The following ANKRD33B variants were observed in gnomAD, a reference collection of about 807,000 sequenced individuals.
ANKRD33B encodes the protein ankyrin repeat domain 33B, also known as ankyrin repeat domain-containing protein 33B.
ANKRD33B carries 6 observed loss-of-function variants against 21.5 expected under a neutral mutation model. That is an observed-to-expected ratio of 0.28 (90% CI 0.15 to 0.55). The LOEUF (loss-of-function observed/expected upper bound fraction) is 0.55. Among genes scored for constraint, ANKRD33B ranks in the 20% least tolerant of loss-of-function variants. The pLI is 0.94. For missense variants in ANKRD33B, 698 were observed against 747.2 expected (o/e 0.93, Z 0.77); for synonymous variants, 347 against 342.4 (o/e 1.01, Z -0.15).
At chr5:10,633,983 G>T (rs544973211) in intron 2 of ANKRD33B, among the ~76,000 whole-genome samples, 4 of 152,314 alleles carry the variant, frequency 2.6e-5, no homozygotes, top group African/African-American at 7.2e-5. Flanking sequence ...GGTTAAGGAG[G>T]GGGGAACACG....
chr5:10,603,895 A>G (rs1444275410), intron 1 of ANKRD33B, among the ~76,000 whole-genome samples: 1 of 149,910 alleles, frequency 6.7e-6, no homozygotes, highest in Admixed American at 6.6e-5. Flanking sequence ...CAAAAGGAGA[A>G]CTTTTTTTTT....
chr5:10,601,441 C>T (rs919084164), intron 1 of ANKRD33B, among the ~76,000 whole-genome samples: 1 of 152,222 alleles, frequency 6.6e-6, no homozygotes, highest in African/African-American at 2.4e-5. Context: ...CATTGCTTGG[C>T]TAACGAGGCT....
At chr5:10,624,031 G>A (rs1377640543) in intron 2 of ANKRD33B, among the ~76,000 whole-genome samples, 2 of 152,010 alleles carry the variant, frequency 1.3e-5, no homozygotes, top group Non-Finnish European at 2.9e-5. Context: ...ATGATTTGAT[G>A]CCTAGATGGG....
Position 10,654,843 on chromosome 5 carries a change from C to T in ANKRD33B, c.*4730C>T, listed in dbSNP as rs1257725580. 6.6e-6 allele frequency: 1 copy of T among 152,546 alleles called. No homozygotes were observed. The highest frequency in any genetic ancestry group is 2.4e-5 in the African/African-American group (1 of 41,440). The allele number at this position is 152,546 out of a possible 1,614,324, so 9.4% of individuals were successfully genotyped here. ...TTGCTTCTGTGAATAAAGTGTTCTACAGTCAGCCCAGCACTAAACTCACCA... is the reference window on the plus strand; with the variant it reads ...TTGCTTCTGTGAATAAAGTGTTCTATAGTCAGCCCAGCACTAAACTCACCA... On this transcript the variant is annotated 3_prime_UTR_variant, in exon 4 of 4. Coordinates refer to ENST00000296657, the MANE Select transcript of ANKRD33B (RefSeq NM_001164440.2).
intron 2 of ANKRD33B, among the ~76,000 whole-genome samples, chr5:10,623,375 C>A (rs143974511): frequency 6.6e-6 from 1 of 152,252 alleles, no homozygotes; most frequent in East Asian, 1.9e-4. Flanking sequence ...TGGTGTCCCT[C>A]GATGGTTCTA....
At position 10,654,614 on chromosome 5, in the gene ANKRD33B, G is replaced by A. The variant is rs1002477009; in HGVS notation, c.*4501G>A. 2 of 152,404 alleles carry A rather than the reference G, an allele frequency of 1.3e-5. No homozygotes were observed. The highest frequency in any genetic ancestry group is 2.9e-5 in the Non-Finnish European group (2 of 68,108). 9.4% of individuals were successfully genotyped at this position (152,404 alleles called of 1,614,324 possible). Reference sequence around the variant, plus strand: ...GGACTCTGGTGGCAGAAATGGCTTTGGGGTAGGTGTGAAGTTGCTTCAGTC... The same window carrying A: ...GGACTCTGGTGGCAGAAATGGCTTTAGGGTAGGTGTGAAGTTGCTTCAGTC... On this transcript the variant is annotated 3_prime_UTR_variant, in exon 4 of 4. Coordinates refer to ENST00000296657, the MANE Select transcript of ANKRD33B (RefSeq NM_001164440.2).
Position 10,564,671 on chromosome 5 carries a change from C to T in ANKRD33B, c.204C>T (p.Gly68=). The T allele has an allele frequency of 6.5e-7, 1 of 1,534,822 alleles. No individual in the cohort carries two copies. Among genetic ancestry groups the T allele is most frequent in the South Asian group, 1.2e-5 (1 of 83,984 alleles). Residue 68 remains glycine (G), a synonymous_variant, in exon 1 of 4, where the codon GGC becomes GGT. Transcript: ENST00000296657. ...FYPFEDEEEH[G]VESAESVPEG... is the part of the protein sequence containing the mutation. ...CTTTCGAGGACGAGGAGGAGCACGG[C>T]GTCGAGAGCGCGGAGAGCGTCCCGG...
intron 3 of ANKRD33B, among the ~76,000 whole-genome samples, chr5:10,641,579 C>T (rs1313424210): frequency 2.6e-5 from 4 of 152,068 alleles, no homozygotes; most frequent in South Asian, 2.1e-4. Flanking sequence ...TTGCCCATGA[C>T]GGGACAGTCT....
At chr5:10,586,385 G>A (rs865787030) in intron 1 of ANKRD33B, among the ~76,000 whole-genome samples, 84 of 152,242 alleles carry the variant, frequency 5.5e-4, no homozygotes, top group African/African-American at 1.9e-3. Flanking sequence ...GAAAGAAAAG[G>A]CTGGTGTTGG....
intron 2 of ANKRD33B, among the ~76,000 whole-genome samples, chr5:10,626,048 C>G (rs575779979): frequency 2.6e-5 from 4 of 151,878 alleles, no homozygotes; most frequent in Admixed American, 6.6e-5. Context: ...GCCTAGAACC[C>G]GAGTGACACA....
chr5:10,608,082 C>T (rs955241256), intron 1 of ANKRD33B, among the ~76,000 whole-genome samples: 2 of 151,868 alleles, frequency 1.3e-5, no homozygotes, highest in Admixed American at 1.3e-4. Context: ...AGTACGGGGG[C>T]TCACGCCTAT....
intron 3 of ANKRD33B, among the ~76,000 whole-genome samples, chr5:10,640,205 T>C (rs997096812): frequency 6.6e-6 from 1 of 152,136 alleles, no homozygotes; most frequent in Non-Finnish European, 1.5e-5. Context: ...TGGTATTGCA[T>C]GGTGATGTGT....
At chr5:10,589,747 C>G (rs1230938251) in intron 1 of ANKRD33B, among the ~76,000 whole-genome samples, 1 of 152,056 alleles carries the variant, frequency 6.6e-6, no homozygotes, top group Non-Finnish European at 1.5e-5. Flanking sequence ...TTTAAAAAAT[C>G]TTGTTTGGGG....
intron 2 of ANKRD33B, among the ~76,000 whole-genome samples, chr5:10,637,423 T>C (rs1356552144): frequency 4.1e-5 from 2 of 48,346 alleles, no homozygotes; most frequent in East Asian, 1.4e-3. Flanking sequence ...CGTAGGTAGT[T>C]AGACACACAC....
chr5:10,578,109 T>C (rs1735365129), intron 1 of ANKRD33B, among the ~76,000 whole-genome samples: 1 of 152,218 alleles, frequency 6.6e-6, no homozygotes, highest in Admixed American at 6.5e-5. Flanking sequence ...TTTCACACAC[T>C]GTGATGGGTG....
chr5:10,629,707 A>C (rs1377529691), intron 2 of ANKRD33B, among the ~76,000 whole-genome samples: 1 of 152,124 alleles, frequency 6.6e-6, no homozygotes, highest in East Asian at 1.9e-4. Context: ...TGAGATAAGG[A>C]GGGGGCTTAG....
At chr5:10,577,969 C>G (rs1214646872) in intron 1 of ANKRD33B, among the ~76,000 whole-genome samples, 1 of 152,198 alleles carries the variant, frequency 6.6e-6, no homozygotes, top group Non-Finnish European at 1.5e-5. Context: ...GCCCTAGACA[C>G]TTAAGAGTCG....
In ANKRD33B at chr5:10,649,925, G is replaced by A. The variant is rs1335245366; in HGVS notation, c.1297G>A (p.Ala433Thr). ...CCGGGTCCGAGTCAGCAAGGCGCCC[G>A]CGCCCACCTTCCAGCCCGAGCGGCC... ...VPRVRVSKAPAPTFQPERPAR... is the reference protein window; with the variant it reads ...VPRVRVSKAPTPTFQPERPAR... The change falls in exon 4 of 4, where the codon GCG becomes ACG. Residue 433 changes from alanine (A) to threonine (T), a missense_variant. Physicochemically the swap from Ala to Thr is moderately conservative, Grantham distance 58 (BLOSUM62 0). Transcript: ENST00000296657. 39 of 1,524,320 alleles carry A rather than the reference G, an allele frequency of 2.6e-5. No homozygotes were observed. The highest frequency in any genetic ancestry group is 3.3e-5 in the Non-Finnish European group (38 of 1,141,690). The allele number at this position is 1,524,320 out of a possible 1,614,324, so 94.4% of individuals were successfully genotyped here.
Position 10,625,838 on chromosome 5 carries a change from G to A in ANKRD33B, c.496+7376G>A, listed in dbSNP as rs551253590. ...TTTGGATCTGGGGTGCATCTCTGAGGACAGCGTGTTAGGATCCTGGCAGCT... is the reference window on the plus strand; with the variant it reads ...TTTGGATCTGGGGTGCATCTCTGAGAACAGCGTGTTAGGATCCTGGCAGCT... On this transcript the variant is annotated intron_variant, in intron 2 of 3. Coordinates refer to ENST00000296657, the MANE Select transcript of ANKRD33B (RefSeq NM_001164440.2). 2.0e-4 allele frequency among the ~76,000 whole-genome samples: 31 copies of A among 152,352 alleles called. 1 individual carries two copies. The highest frequency in any genetic ancestry group is 7.2e-4 in the African/African-American group (30 of 41,586).
Sources: gnomAD v4.1 joint callset for allele counts (sites outside exome capture counted in the v4.1 genomes callset) on GRCh38, gnomAD v4.1.1 for gene constraint, MANE v1.5 for transcripts, NCBI Gene and HGNC (gene_info 2026-07-23, HGNC 2026-07-21) for gene names.